NRG1: variants seen among roughly 807,000 people sequenced by gnomAD.
NRG1 encodes pro-neuregulin-1, membrane-bound isoform.
A neutral mutation model predicts 63.8 loss-of-function variants in NRG1; 18 were observed. The ratio of observed to expected loss-of-function variants is 0.28; its 90% CI spans 0.19 to 0.42. The LOEUF is 0.42. Ranked by LOEUF, NRG1 falls within the 10% of genes least tolerant of loss-of-function variation. The probability of loss-of-function intolerance (pLI) is 1.00; values close to 1 mark genes in which losing one functional copy is unlikely to be tolerated. For missense variants in NRG1, 762 were observed against 814.7 expected, an observed-to-expected ratio of 0.94 and a Z score of 0.79; for synonymous variants, 302 against 301.3, an observed-to-expected ratio of 1.00 and a Z score of -0.02.
intron 1 of NRG1, among the ~76,000 whole-genome samples, chr8:32,202,285 G>A (rs1843572551): frequency 6.6e-6 from 1 of 152,094 alleles, no homozygotes; most frequent in Non-Finnish European, 1.5e-5. Flanking sequence ...CTAGTGAAAC[G>A]GGAGAGTTCC....
At chr8:32,514,614 G>A (rs1829600532) in intron 1 of NRG1, among the ~76,000 whole-genome samples, 1 of 151,610 alleles carries the variant, frequency 6.6e-6, no homozygotes, top group Admixed American at 6.6e-5. Context: ...ATGTGTTTTT[G>A]TTTTTGTTTT....
At chr8:32,771,454 G>A (rs1831782648), downstream of NRG1, among the ~76,000 whole-genome samples, 1 of 151,064 alleles carries the variant, frequency 6.6e-6, no homozygotes, top group South Asian at 2.1e-4. Context: ...TGCAGTATAA[G>A]TTCAGCTTGC....
At chr8:32,607,281 G>A (rs557723802) in intron 3 of NRG1, among the ~76,000 whole-genome samples, 9 of 152,190 alleles carry the variant, frequency 5.9e-5, no homozygotes, top group African/African-American at 2.2e-4. Context: ...ATTTTAATGG[G>A]CTGTTTTTTA....
chr8:32,487,935 G>A (rs1023294173), intron 1 of NRG1, among the ~76,000 whole-genome samples: 9 of 152,174 alleles, frequency 5.9e-5, no homozygotes, highest in African/African-American at 2.2e-4. Context: ...AAAGGGACGA[G>A]GTTGTGCAAC....
intron 1 of NRG1, among the ~76,000 whole-genome samples, chr8:31,817,998 G>A (rs1446713749): frequency 6.6e-6 from 1 of 152,122 alleles, no homozygotes; most frequent in Non-Finnish European, 1.5e-5. Flanking sequence ...AGTTTTGAGT[G>A]ATAAAGAACT....
intron 1 of NRG1, among the ~76,000 whole-genome samples, chr8:31,776,976 G>A (rs1343251893): frequency 6.6e-6 from 1 of 152,156 alleles, no homozygotes; most frequent in Non-Finnish European, 1.5e-5. Flanking sequence ...AACCATTGTG[G>A]AAGTCGGTGT....
intron 1 of NRG1, among the ~76,000 whole-genome samples, chr8:32,121,790 G>A (rs896559120): frequency 3.9e-5 from 6 of 151,902 alleles, no homozygotes; most frequent in Non-Finnish European, 8.8e-5. Flanking sequence ...CCCAGCAATA[G>A]ACCCCAGGTT....
chr8:31,711,176 G>A (rs1811706873), intron 1 of NRG1, among the ~76,000 whole-genome samples: 1 of 152,014 alleles, frequency 6.6e-6, no homozygotes, highest in Non-Finnish European at 1.5e-5. Flanking sequence ...GCTTGGCAGA[G>A]CACATAATAT....
chr8:32,657,725 A>T (rs1376966937), intron 5 of NRG1, among the ~76,000 whole-genome samples: 1 of 152,208 alleles, frequency 6.6e-6, no homozygotes, highest in Admixed American at 6.5e-5. Context: ...TTCCTGGGTC[A>T]TAATTGCTTG....
rs113361831 is a variant in NRG1 at position 32,449,097 on chromosome 8, C to T, written c.38-146731C>T. Among the ~76,000 whole-genome samples the T allele has an allele frequency of 3.8e-3, 580 of 152,150 alleles. 7 individuals carry two copies. The highest frequency in any genetic ancestry group is 0.013 in the African/African-American group (559 of 41,516). ...ATTGCTTGAGCCCAGGAGTTTGAGA[C>T]CAGTCTGGGCAACATGGTGAAACCC... On this transcript the variant is annotated intron_variant, in intron 1 of 10. Coordinates refer to the NRG1 transcript ENST00000519301.
intron 1 of NRG1, among the ~76,000 whole-genome samples, chr8:32,413,528 G>A (rs920499975): frequency 3.9e-5 from 6 of 152,190 alleles, no homozygotes; most frequent in African/African-American, 1.2e-4. Flanking sequence ...AAGGCCGGGC[G>A]CAGTGGCTCA....
intron 1 of NRG1, among the ~76,000 whole-genome samples, chr8:32,559,227 T>C (rs1047511845): frequency 6.9e-5 from 5 of 72,106 alleles, no homozygotes; most frequent in Non-Finnish European, 1.6e-4. Context: ...TATTAGTATG[T>C]CATCTCACTC....
At chr8:32,089,855 C>T (rs1397300423) in intron 1 of NRG1, among the ~76,000 whole-genome samples, 2 of 152,156 alleles carry the variant, frequency 1.3e-5, no homozygotes, top group Non-Finnish European at 1.5e-5. Context: ...ATTTCATTTT[C>T]ATAATACTTT....
At chr8:31,746,865 A>T (rs1168325412) in intron 1 of NRG1, among the ~76,000 whole-genome samples, 1 of 151,952 alleles carries the variant, frequency 6.6e-6, no homozygotes, top group Non-Finnish European at 1.5e-5. Context: ...AACAACATGG[A>T]TGGAACTGGA....
chr8:31,898,173 G>A, intron 1 of NRG1, among the ~76,000 whole-genome samples: 1 of 152,068 alleles, frequency 6.6e-6, no homozygotes, highest in South Asian at 2.1e-4. Flanking sequence ...GTAAAACCAA[G>A]TTGTAACCCA....
intron 1 of NRG1, among the ~76,000 whole-genome samples, chr8:32,141,264 G>A (rs566321707): frequency 2.0e-5 from 3 of 152,034 alleles, no homozygotes; most frequent in African/African-American, 2.4e-5. Context: ...GCTAAGGGGC[G>A]ATAAAGTAGT....
chr8:31,765,853 G>C (rs1450333950), intron 1 of NRG1, among the ~76,000 whole-genome samples: 1 of 152,108 alleles, frequency 6.6e-6, no homozygotes, highest in Non-Finnish European at 1.5e-5. Flanking sequence ...TTCTCTTTGA[G>C]TCTGTTTCTT....
intron 1 of NRG1, among the ~76,000 whole-genome samples, chr8:32,307,204 C>G (rs1856288563): frequency 6.6e-6 from 1 of 152,130 alleles, no homozygotes; most frequent in African/African-American, 2.4e-5. Context: ...CCCTCTTTAT[C>G]CCGGAGAGGA....
intron 1 of NRG1, among the ~76,000 whole-genome samples, chr8:31,783,474 A>G (rs1167574331): frequency 6.6e-6 from 1 of 152,054 alleles, no homozygotes; most frequent in Non-Finnish European, 1.5e-5. Flanking sequence ...AACTGGAAAC[A>G]TTGTCTAGAA....
Sources: allele counts gnomAD v4.1 joint callset (sites outside exome capture counted in the v4.1 genomes callset), GRCh38; gene constraint gnomAD v4.1.1; transcripts MANE v1.5; gene names NCBI Gene and HGNC (gene_info 2026-07-23, HGNC 2026-07-21).